USP5: variants seen among roughly 807,000 people sequenced by gnomAD.
USP5 encodes ubiquitin carboxyl-terminal hydrolase 5.
A neutral mutation model predicts 102.5 loss-of-function variants in USP5; 24 were observed. The observed-to-expected ratio is 0.23, with a 90% CI of 0.17 to 0.33. USP5 has a LOEUF of 0.33. Among genes scored for constraint, USP5 ranks in the 10% least tolerant of loss-of-function variants. USP5 has a pLI of 1.00. For missense variants in USP5, 753 were observed against 1,122.1 expected (o/e 0.67, Z 4.70); for synonymous variants, 460 against 434.8 (o/e 1.06, Z -0.72).
At position 6,861,309 on chromosome 12, in the gene USP5, T is replaced by C; in HGVS notation, c.1499-134T>C. 7.8e-7 allele frequency: 1 copy of C among 1,288,470 alleles called. No individual in the cohort carries two copies. Among genetic ancestry groups the C allele is most frequent in the Non-Finnish European group, 1.1e-6 (1 of 939,766 alleles). The allele number at this position is 1,288,470 out of a possible 1,614,324, so 79.8% of individuals were successfully genotyped here. A position where few individuals can be genotyped will look rare whatever the true frequency, so the allele number is the denominator to read the frequency against. ...CAGAGCTGCATGGAAACAGGCGAGA[T>C]ATATTGGACATGTGTCAGGGGTGCT... On this transcript the variant is annotated intron_variant, in intron 12 of 19. Coordinates refer to ENST00000229268, the MANE Select transcript of USP5 (RefSeq NM_001098536.2). This position sits in a 1 kb window ranked among gnomAD's most constrained non-coding sequence, Gnocchi z 4.9.
Position 6,855,591 on chromosome 12 carries a change from T to G in USP5, c.237+65T>G. On this transcript the variant is annotated intron_variant, in intron 2 of 19. Transcript: ENST00000229268. The surrounding 1 kb of genome is among the most constrained non-coding windows in gnomAD (Gnocchi z 4.6). Reference sequence around the variant, plus strand: ...GTTCCATTCTGACCTCCTATTGGACTCAGTTTCTTTTTTTCACCTACTTTT... The same window carrying G: ...GTTCCATTCTGACCTCCTATTGGACGCAGTTTCTTTTTTTCACCTACTTTT... 6.3e-7 allele frequency: 1 copy of G among 1,593,500 alleles called. No individual in the cohort carries two copies. Among genetic ancestry groups the G allele is most frequent in the Non-Finnish European group, 8.5e-7 (1 of 1,170,962 alleles).
At position 6,865,897 on chromosome 12, in the gene USP5, C is replaced by T. The variant is rs540092231; in HGVS notation, c.2484-87C>T. The T allele has an allele frequency of 7.5e-6, 9 of 1,204,316 alleles. No homozygotes were observed. In the African/African-American group the frequency reaches 1.0e-4, roughly 14 times the overall value. The allele number at this position is 1,204,316 out of a possible 1,614,324, so 74.6% of individuals were successfully genotyped here. On this transcript the variant is annotated intron_variant, in intron 19 of 19. Coordinates refer to ENST00000229268, the MANE Select transcript of USP5 (RefSeq NM_001098536.2). ...GTATGGGCAGAGAGTGTGGAGAGCA[C>T]TTCCAGGGGCCATGTCTGAGAGACT...
intron 7 of USP5, 38 bp downstream of exon 7, chr12:6,857,761 G>A: frequency 1.2e-6 from 2 of 1,605,816 alleles, no homozygotes; most frequent in Non-Finnish European, 8.5e-7. Flanking sequence ...TCTACTTCCT[G>A]CCCCTGTGAG....
chr12:6,858,445 T>C lies in USP5; in HGVS notation c.886T>C (p.Leu296=), dbSNP rs1944183054. ...ACAGACAGACAAGACGATGACTGAG[T>C]TGGAGATAGACATGAACCAGCGGAT... is the stretch of plus-strand genomic sequence containing the variant. The part of the protein sequence containing the change: ...MQKTDKTMTE[L]EIDMNQRIGE... The change falls in exon 8 of 20, where the codon TTG becomes CTG. Residue 296 remains leucine (L), a synonymous_variant. Coordinates refer to ENST00000229268, the MANE Select transcript of USP5 (RefSeq NM_001098536.2). The surrounding 1 kb of genome is among the most constrained non-coding windows in gnomAD (Gnocchi z 4.2). The C allele has an allele frequency of 6.2e-7, 1 of 1,605,872 alleles. No homozygotes were observed. The highest frequency in any genetic ancestry group is 1.7e-5 in the Admixed American group (1 of 59,888).
chr12:6,855,580 T>G lies in USP5; in HGVS notation c.237+54T>G, dbSNP rs1944085623. The G allele has an allele frequency of 6.2e-7, 1 of 1,602,164 alleles. No individual in the cohort carries two copies. The highest frequency in any genetic ancestry group is 8.5e-7 in the Non-Finnish European group (1 of 1,175,328). On this transcript the variant is annotated intron_variant, in intron 2 of 19. Transcript: ENST00000229268. The surrounding 1 kb of genome is among the most constrained non-coding windows in gnomAD (Gnocchi z 4.6). ...GTACATTGTCTGTTCCATTCTGACCTCCTATTGGACTCAGTTTCTTTTTTT... is the reference window on the plus strand; with the variant it reads ...GTACATTGTCTGTTCCATTCTGACCGCCTATTGGACTCAGTTTCTTTTTTT...
rs377587665 is a variant in USP5 at position 6,863,337 on chromosome 12, C to T, written c.1914C>T (p.Asp638=). The T allele has an allele frequency of 3.0e-5, 48 of 1,614,026 alleles. No individual in the cohort carries two copies. The highest frequency in any genetic ancestry group is 3.8e-5 in the Non-Finnish European group (45 of 1,180,016). The change falls in exon 15 of 20, where the codon GAC becomes GAT. Residue 638 remains aspartate (D), a synonymous_variant. Coordinates refer to ENST00000229268, the MANE Select transcript of USP5 (RefSeq NM_001098536.2). This position sits in a 1 kb window ranked among gnomAD's most constrained non-coding sequence, Gnocchi z 4.7. The part of the protein sequence containing the change: ...KGSLGFYGNE[D]EDSFCSPHFS... The stretch of plus-strand genomic sequence containing the variant: ...GCCTTGGTTTCTATGGCAACGAAGA[C>T]GAAGACTCCTTCTGCTCCCCTCACT...
intron 1 of USP5, among the ~76,000 whole-genome samples, chr12:6,854,697 G>T (rs1303756355): frequency 6.6e-6 from 1 of 152,106 alleles, no homozygotes; most frequent in African/African-American, 2.4e-5. Flanking sequence ...GGTTGAGGCT[G>T]CAGTGAGCTA....
In USP5 at chr12:6,856,995, A is replaced by G; in HGVS notation, c.769+104A>G. On this transcript the variant is annotated intron_variant, in intron 6 of 19. Coordinates refer to ENST00000229268, the MANE Select transcript of USP5 (RefSeq NM_001098536.2). This position sits in a 1 kb window ranked among gnomAD's most constrained non-coding sequence, Gnocchi z 5.6. ...ACATGAATGCATTATCTTGATAAGA[A>G]AGGAAAGTAGTCAGGTGCGGTGGCT... 1 of 1,414,552 alleles carries G rather than the reference A, an allele frequency of 7.1e-7. No individual in the cohort carries two copies. Among genetic ancestry groups the G allele is most frequent in the Admixed American group, 2.4e-5 (1 of 42,334 alleles). The allele number at this position is 1,414,552 out of a possible 1,614,324, so 87.6% of individuals were successfully genotyped here.
In USP5 at chr12:6,858,042, G is replaced by A. The variant is rs782375051; in HGVS notation, c.864+319G>A. ...AAACTGGTGGGCACTGTGAAAGAGAGGCGGAGGGTACTACAGTAATTGACA... is the reference window on the plus strand; with the variant it reads ...AAACTGGTGGGCACTGTGAAAGAGAAGCGGAGGGTACTACAGTAATTGACA... On this transcript the variant is annotated intron_variant, in intron 7 of 19. Transcript: ENST00000229268. This position sits in a 1 kb window ranked among gnomAD's most constrained non-coding sequence, Gnocchi z 4.2. 6.6e-6 allele frequency among the ~76,000 whole-genome samples: 1 copy of A among 152,292 alleles called. No homozygotes were observed. The highest frequency in any genetic ancestry group is 2.1e-4 in the South Asian group (1 of 4,814).
chr12:6,859,536 C>T lies in USP5; in HGVS notation c.1125C>T (p.Thr375=). The change falls in exon 9 of 20, where the codon ACC becomes ACT. Residue 375 remains threonine, a synonymous_variant. Coordinates refer to ENST00000229268, the MANE Select transcript of USP5 (RefSeq NM_001098536.2). Reference sequence around the variant, plus strand: ...CGGACCCTACCCAGGATTTCAGCACCCAGGTGTATGTAACCAGGTCCTATG... The same window carrying T: ...CGGACCCTACCCAGGATTTCAGCACTCAGGTGTATGTAACCAGGTCCTATG... ...APTDPTQDFS[T]QVAKLGHGLL... 6.2e-7 allele frequency: 1 copy of T among 1,614,170 alleles called. No homozygotes were observed. Among genetic ancestry groups the T allele is most frequent in the East Asian group, 2.2e-5 (1 of 44,886 alleles).
intron 8 of USP5, 58 bp from the exon 9 acceptor site, chr12:6,859,412 C>T (rs1356945756): frequency 9.6e-5 from 150 of 1,556,714 alleles, no homozygotes; most frequent in Non-Finnish European, 1.3e-4. Flanking sequence ...TTGCTTCCTT[C>T]CCTTTTCCTC....
intron 8 of USP5, 45 bp from the exon 9 acceptor site, chr12:6,859,425 C>T (rs782029302): frequency 8.8e-6 from 14 of 1,591,604 alleles, no homozygotes; most frequent in South Asian, 5.5e-5. Context: ...TTTTCCTCGG[C>T]GCTCAGGCCA....
chr12:6,858,609 C>G lies in USP5; in HGVS notation c.1050C>G (p.Phe350Leu). Residue 350 changes from phenylalanine (F) to leucine (L), a missense_variant, in exon 8 of 20, where the codon TTC (phenylalanine) becomes TTG (leucine). Physicochemically the swap from Phe to Leu is conservative, Grantham distance 22 (BLOSUM62 0). Coordinates refer to ENST00000229268, the MANE Select transcript of USP5 (RefSeq NM_001098536.2). This position sits in a 1 kb window ranked among gnomAD's most constrained non-coding sequence, Gnocchi z 4.2. ...AGGTGCTCTTCAGCATCCCTGACTT[C>G]CAGAGGAAGTGAGTAGTGCCCTCTC... ...VVQVLFSIPDFQRKYVDKLEK... is the reference protein window; with the variant it reads ...VVQVLFSIPDLQRKYVDKLEK... 1.9e-6 allele frequency: 3 copies of G among 1,604,040 alleles called. No individual in the cohort carries two copies. Among genetic ancestry groups the G allele is most frequent in the Non-Finnish European group, 2.6e-6 (3 of 1,171,588 alleles).
In USP5 at chr12:6,855,559, A is replaced by G; in HGVS notation, c.237+33A>G. 3.1e-6 allele frequency: 5 copies of G among 1,612,128 alleles called. No individual in the cohort carries two copies. Among genetic ancestry groups the G allele is most frequent in the African/African-American group, 2.7e-5 (2 of 74,894 alleles). ...CAGGGCTGGGGCAAGGCCTGGGTAC[A>G]TTGTCTGTTCCATTCTGACCTCCTA... On this transcript the variant is annotated intron_variant, in intron 2 of 19. Coordinates refer to ENST00000229268, the MANE Select transcript of USP5 (RefSeq NM_001098536.2). The surrounding 1 kb of genome is among the most constrained non-coding windows in gnomAD (Gnocchi z 4.6).
At chr12:6,853,098 C>T (rs1943988647) in intron 1 of USP5, among the ~76,000 whole-genome samples, 1 of 152,228 alleles carries the variant, frequency 6.6e-6, no homozygotes. Context: ...TGGTACCTCC[C>T]TTCCTGCAGT....
chr12:6,860,620 A>G lies in USP5; in HGVS notation c.1344+129A>G. ...ACCCCAACAGTCTGTGTCCCTGTGAACAGTGCTTGCACCTGAGGAGGACAG... is the reference window on the plus strand; with the variant it reads ...ACCCCAACAGTCTGTGTCCCTGTGAGCAGTGCTTGCACCTGAGGAGGACAG... On this transcript the variant is annotated intron_variant, in intron 11 of 19. Transcript: ENST00000229268. The surrounding 1 kb of genome is among the most constrained non-coding windows in gnomAD (Gnocchi z 5.5). 6.7e-7 allele frequency: 1 copy of G among 1,483,830 alleles called. No individual in the cohort carries two copies. 91.9% of individuals were successfully genotyped at this position (1,483,830 alleles called of 1,614,324 possible). A position where few individuals can be genotyped will look rare whatever the true frequency, so the allele number is the denominator to read the frequency against.
In USP5 at chr12:6,866,265, G is replaced by T; in HGVS notation, c.*188G>T. On this transcript the variant is annotated 3_prime_UTR_variant, in exon 20 of 20. Transcript: ENST00000229268. The surrounding 1 kb of genome is among the most constrained non-coding windows in gnomAD (Gnocchi z 4.7). ...CAGAGGGGCAGCGATAGACTCTGGG[G>T]ATGGAGCAGGACGGGGACGGGAGGG... 1 of 602,374 alleles carries T rather than the reference G, an allele frequency of 1.7e-6. No individual in the cohort carries two copies. The highest frequency in any genetic ancestry group is 2.9e-6 in the Non-Finnish European group (1 of 340,776). The allele number at this position is 602,374 out of a possible 1,614,324, so 37.3% of individuals were successfully genotyped here.
In USP5 at chr12:6,854,591, T is replaced by TAA. The variant is rs782820849; in HGVS notation, c.112-791_112-790dup. Among the ~76,000 whole-genome samples the TAA allele has an allele frequency of 0.011, 1,332 of 118,446 alleles. 164 individuals carry two copies. The East Asian group carries it at 0.27, about 24-fold the overall frequency. 77.7% of individuals were successfully genotyped at this position (118,446 alleles called of 152,430 possible). On this transcript the variant is annotated intron_variant, in intron 1 of 19. Coordinates refer to ENST00000229268, the MANE Select transcript of USP5 (RefSeq NM_001098536.2). ...AAGCAACATAGCGAGACCCCACCTC[T>TAA]AAAAAAAAAAAAAAAAAAAATCTAG...
At chr12:6,857,565 T>C in intron 6 of USP5, 64 bp from the exon 7 acceptor site, 1 of 1,416,370 alleles carries the variant, frequency 7.1e-7, no homozygotes, top group Non-Finnish European at 9.9e-7. Flanking sequence ...GTGCAAGGGA[T>C]GGGATGGTGG....
Sources: gnomAD v4.1 joint callset for allele counts (sites outside exome capture counted in the v4.1 genomes callset) on GRCh38, gnomAD v4.1.1 for gene constraint, Gnocchi (gnomAD v3.1) non-coding constraint, MANE v1.5 for transcripts, NCBI Gene and HGNC (gene_info 2026-07-23, HGNC 2026-07-21) for gene names.